The following UIMC1 variants were observed in gnomAD, a reference collection of about 807,000 sequenced individuals.
UIMC1 encodes BRCA1-A complex subunit RAP80.
In UIMC1, 42 loss-of-function variants were observed where a neutral mutation model predicts 84.9. The ratio of observed to expected loss-of-function variants is 0.49; its 90% confidence interval spans 0.39 to 0.64. UIMC1 has a LOEUF of 0.64. Ranked by LOEUF, UIMC1 falls within the 30% of genes least tolerant of loss-of-function variation. UIMC1 has a pLI of 0.00. For missense variants in UIMC1, 825 were observed against 847.6 expected (o/e 0.97, Z 0.33); for synonymous variants, 281 against 293.0 (o/e 0.96, Z 0.42).
chr5:176,972,495 G>C (rs1382674102), intron 3 of UIMC1, among the ~76,000 whole-genome samples: 1 of 152,142 alleles, frequency 6.6e-6, no homozygotes, highest in Non-Finnish European at 1.5e-5. Context: ...CAGCACTTTG[G>C]GAGGCCAAGC....
chr5:176,934,818 C>A (rs1581438522), intron 10 of UIMC1, among the ~76,000 whole-genome samples: 2 of 152,192 alleles, frequency 1.3e-5, no homozygotes, highest in South Asian at 2.1e-4. Context: ...AAAAAAAATT[C>A]TTTCTTTCCA....
chr5:176,965,514 G>C (rs1768161261), intron 6 of UIMC1, among the ~76,000 whole-genome samples: 1 of 151,838 alleles, frequency 6.6e-6, no homozygotes. Flanking sequence ...TAGAGACAAG[G>C]TCTCACTAAG....
chr5:176,993,077 T>A (rs999819969), intron 1 of UIMC1, among the ~76,000 whole-genome samples: 1 of 149,378 alleles, frequency 6.7e-6, no homozygotes, highest in African/African-American at 2.5e-5. Context: ...TCCCAGCTAC[T>A]GGGGAGGCTG....
chr5:176,998,049 G>A (rs549320692), intron 1 of UIMC1, among the ~76,000 whole-genome samples: 65 of 152,204 alleles, frequency 4.3e-4, no homozygotes, highest in African/African-American at 1.4e-3. Context: ...AGTTAACACA[G>A]TTTTAATTAC....
intron 1 of UIMC1, among the ~76,000 whole-genome samples, chr5:177,011,803 A>ATTT (rs1173625143): frequency 7.0e-6 from 1 of 143,748 alleles, no homozygotes. Context: ...TGAAGATTTA[A>ATTT]TTTTTTTTTT....
intron 1 of UIMC1, among the ~76,000 whole-genome samples, chr5:176,985,029 A>G (rs1304764795): frequency 6.6e-6 from 1 of 152,112 alleles, no homozygotes; most frequent in Non-Finnish European, 1.5e-5. Flanking sequence ...CCTTCTCTCC[A>G]CTATTATCCT....
chr5:176,913,375 C>T (rs1220637407), intron 10 of UIMC1, among the ~76,000 whole-genome samples: 1 of 152,166 alleles, frequency 6.6e-6, no homozygotes, highest in Admixed American at 6.5e-5. Flanking sequence ...AATAGTAAAA[C>T]CCAGGATAGA....
At chr5:176,931,715 G>A (rs1368032571) in intron 10 of UIMC1, among the ~76,000 whole-genome samples, 1 of 152,288 alleles carries the variant, frequency 6.6e-6, no homozygotes, top group East Asian at 1.9e-4. Flanking sequence ...GGCCGGGTGC[G>A]GTGGCTCATG....
intron 1 of UIMC1, among the ~76,000 whole-genome samples, chr5:176,991,562 T>A (rs1220183659): frequency 1.6e-5 from 2 of 125,438 alleles, no homozygotes; most frequent in East Asian, 4.8e-4. Flanking sequence ...CTACTAAAAA[T>A]ACAAAATTAG....
intron 1 of UIMC1, among the ~76,000 whole-genome samples, chr5:177,001,165 C>T (rs1259371521): frequency 6.6e-6 from 1 of 152,152 alleles, no homozygotes; most frequent in East Asian, 1.9e-4. Flanking sequence ...ACATTTAATA[C>T]ATTTTTATTT....
Position 176,911,384 on chromosome 5 carries a change from T to A in UIMC1, c.1603A>T (p.Thr535Ser). The A allele has an allele frequency of 1.3e-6, 2 of 1,582,422 alleles. No homozygotes were observed. The highest frequency in any genetic ancestry group is 1.7e-6 in the Non-Finnish European group (2 of 1,163,690). The stretch of plus-strand genomic sequence containing the variant: ...GTCTTGGCCTCTTTTTGTCTCCGAG[T>A]CAATACTTTTAATATAAAAAATATA... ...NGLMEEDTVL[T>S]RRQKEAKTKS... Residue 535 changes from threonine (T) to serine (S), a missense_variant, in exon 11 of 15, where the codon ACT becomes TCT. Thr to Ser is a moderately conservative substitution (Grantham distance 58, BLOSUM62 1). Coordinates refer to ENST00000511320, the MANE Select transcript of UIMC1 (RefSeq NM_001199298.2).
chr5:176,935,476 G>C (rs1272932478), intron 10 of UIMC1, among the ~76,000 whole-genome samples: 1 of 152,112 alleles, frequency 6.6e-6, no homozygotes, highest in African/African-American at 2.4e-5. Flanking sequence ...AGTGAGATCA[G>C]GGCCCATATT....
intron 1 of UIMC1, among the ~76,000 whole-genome samples, chr5:177,003,016 C>G (rs1415699649): frequency 6.6e-6 from 1 of 151,872 alleles, no homozygotes; most frequent in Non-Finnish European, 1.5e-5. Flanking sequence ...GGATACGCAC[C>G]TATAAATATT....
intron 10 of UIMC1, among the ~76,000 whole-genome samples, chr5:176,929,627 T>C (rs1240349692): frequency 2.0e-5 from 3 of 152,114 alleles, no homozygotes; most frequent in African/African-American, 4.8e-5. Flanking sequence ...ATGGATAGAA[T>C]ACATATGAAA....
chr5:176,909,592 T>C (rs1173766555), intron 11 of UIMC1, among the ~76,000 whole-genome samples: 1 of 152,156 alleles, frequency 6.6e-6, no homozygotes, highest in Non-Finnish European at 1.5e-5. Flanking sequence ...CATCTCTTTC[T>C]GGCCATTATT....
At chr5:176,974,713 G>A (rs896500625) in intron 3 of UIMC1, among the ~76,000 whole-genome samples, 30 of 152,036 alleles carry the variant, frequency 2.0e-4, no homozygotes, top group African/African-American at 6.3e-4. Context: ...TCAGGAGGCT[G>A]AGGTGGGAGA....
intron 2 of UIMC1, chr5:176,980,048 T>A (rs2149500190): frequency 6.6e-6 from 1 of 152,314 alleles, no homozygotes; most frequent in East Asian, 1.9e-4. Flanking sequence ...ACATTCTTCT[T>A]CTACCCTTGG....
intron 1 of UIMC1, among the ~76,000 whole-genome samples, chr5:177,017,988 C>T (rs1024050003): frequency 6.6e-6 from 1 of 151,970 alleles, no homozygotes; most frequent in African/African-American, 2.4e-5. Context: ...AAAACATACT[C>T]TCTGATATTA....
upstream of UIMC1, among the ~76,000 whole-genome samples, chr5:177,011,275 C>T (rs1362149188): frequency 6.6e-6 from 1 of 151,766 alleles, no homozygotes; most frequent in African/African-American, 2.4e-5. Flanking sequence ...CACAGTGATA[C>T]ATACCAGTAG....
Sources: allele counts gnomAD v4.1 joint callset (sites outside exome capture counted in the v4.1 genomes callset), GRCh38; gene constraint gnomAD v4.1.1; transcripts MANE v1.5; gene names NCBI Gene and HGNC (gene_info 2026-07-23, HGNC 2026-07-21).